TENM2: variants seen among roughly 807,000 people sequenced by gnomAD.
TENM2 encodes the protein teneurin-2.
A neutral mutation model predicts 245.2 loss-of-function variants in TENM2; 52 were observed. That is an observed-to-expected ratio of 0.21 (90% CI 0.17 to 0.27). TENM2 has a LOEUF of 0.27. Ranked by LOEUF, TENM2 falls within the 10% of genes least tolerant of loss-of-function variation. TENM2 has a pLI of 1.00. For missense variants in TENM2, 3,046 were observed against 3,666.8 expected, an observed-to-expected ratio of 0.83 and a Z score of 4.37; for synonymous variants, 1,363 against 1,438.9, an observed-to-expected ratio of 0.95 and a Z score of 1.19.
intron 3 of TENM2, among the ~76,000 whole-genome samples, chr5:167,902,575 T>C (rs1235482878): frequency 1.3e-5 from 2 of 152,124 alleles, no homozygotes; most frequent in Non-Finnish European, 2.9e-5. Flanking sequence ...TGGAGTTACC[T>C]CCTCAGGAGG....
At chr5:167,900,338 G>A (rs1238106329) in intron 3 of TENM2, among the ~76,000 whole-genome samples, 1 of 152,096 alleles carries the variant, frequency 6.6e-6, no homozygotes, top group Non-Finnish European at 1.5e-5. Context: ...AGTTATGTGG[G>A]GGAGGAATTA....
At chr5:168,173,754 C>G (rs1759075799) in intron 13 of TENM2, among the ~76,000 whole-genome samples, 1 of 152,202 alleles carries the variant, frequency 6.6e-6, no homozygotes. Context: ...AAAGCTGTCA[C>G]TGCAGAGCCA....
chr5:168,225,997 C>A, intron 23 of TENM2, 91 bp from the exon 26 acceptor site: 1 of 1,266,836 alleles, frequency 7.9e-7, no homozygotes, highest in Non-Finnish European at 1.1e-6. Flanking sequence ...ACCTTCCCAG[C>A]TCTTTCTCTG....
intron 2 of TENM2, among the ~76,000 whole-genome samples, chr5:167,550,886 G>A (rs369271094): frequency 5.3e-5 from 8 of 152,004 alleles, no homozygotes; most frequent in East Asian, 3.9e-4. Context: ...GAGCTTCCAC[G>A]CTTGGCTAAT....
intron 3 of TENM2, among the ~76,000 whole-genome samples, chr5:167,942,372 A>G (rs1156413188): frequency 6.6e-6 from 1 of 152,236 alleles, no homozygotes. Flanking sequence ...CACCTTTTAC[A>G]GATGAGGATA....
intron 2 of TENM2, among the ~76,000 whole-genome samples, chr5:167,849,495 T>C (rs7729681): frequency 0.65 from 98,175 of 151,942 alleles, 33,712 homozygotes; most frequent in South Asian, 0.78. Context: ...AACCAATCAG[T>C]TCTCCAGTGG....
At chr5:167,086,596 A>C in the TENM2 span, among the ~76,000 whole-genome samples, 1 of 151,930 alleles carries the variant, frequency 6.6e-6, no homozygotes, top group Non-Finnish European at 1.5e-5. Context: ...TATTTTTTTA[A>C]ACGTAATTGG....
chr5:167,662,074 T>C (rs1398425268), intron 2 of TENM2, among the ~76,000 whole-genome samples: 1 of 151,972 alleles, frequency 6.6e-6, no homozygotes, highest in Non-Finnish European at 1.5e-5. Context: ...GGATATAGAG[T>C]GGGGTGGGGT....
chr5:167,487,162 C>A (rs181382361), intron 2 of TENM2, among the ~76,000 whole-genome samples: 1 of 152,232 alleles, frequency 6.6e-6, no homozygotes, highest in African/African-American at 2.4e-5. Context: ...TAGTCCAATT[C>A]TAGTTATCTT....
At chr5:167,242,516 C>A in the TENM2 span, among the ~76,000 whole-genome samples, 12 of 152,252 alleles carry the variant, frequency 7.9e-5, no homozygotes, top group African/African-American at 2.9e-4. Context: ...TCTTCCTCCT[C>A]TGCTGCCCCT....
At chr5:168,057,086 C>T (rs1366948075) in intron 6 of TENM2, among the ~76,000 whole-genome samples, 1 of 151,946 alleles carries the variant, frequency 6.6e-6, no homozygotes, top group Non-Finnish European at 1.5e-5. Flanking sequence ...TATATATGTA[C>T]ATATATATGA....
At chr5:167,458,366 G>C (rs1192537310) in intron 2 of TENM2, among the ~76,000 whole-genome samples, 4 of 144,678 alleles carry the variant, frequency 2.8e-5, no homozygotes. Flanking sequence ...ACGTGCCTGT[G>C]ATCCCAGCTA....
chr5:167,878,963 A>T (rs1284726837), intron 3 of TENM2, among the ~76,000 whole-genome samples: 1 of 152,160 alleles, frequency 6.6e-6, no homozygotes, highest in Non-Finnish European at 1.5e-5. Context: ...TTTCCAACAC[A>T]TCAGCCCATA....
At chr5:167,909,592 A>T (rs985499705) in intron 3 of TENM2, among the ~76,000 whole-genome samples, 1 of 152,180 alleles carries the variant, frequency 6.6e-6, no homozygotes, top group East Asian at 1.9e-4. Flanking sequence ...CAGCCTTAAG[A>T]TCTAATCTTT....
chr5:167,730,470 G>A (rs905273628), intron 2 of TENM2, among the ~76,000 whole-genome samples: 4 of 152,182 alleles, frequency 2.6e-5, no homozygotes, highest in African/African-American at 9.7e-5. Flanking sequence ...GAAAGTAATA[G>A]TTGTAGGTGG....
At chr5:167,946,398 G>A (rs1055065119) in intron 3 of TENM2, among the ~76,000 whole-genome samples, 2 of 152,144 alleles carry the variant, frequency 1.3e-5, no homozygotes, top group Non-Finnish European at 2.9e-5. Flanking sequence ...GGAAGTTTGG[G>A]GAGGGCCTTT....
chr5:167,136,646 T>A, the TENM2 span, among the ~76,000 whole-genome samples: 1 of 152,318 alleles, frequency 6.6e-6, no homozygotes, highest in East Asian at 1.9e-4. Flanking sequence ...GTCACTCAAA[T>A]GAGAAAGAAT....
intron 4 of TENM2, among the ~76,000 whole-genome samples, chr5:167,956,704 G>A (rs948802042): frequency 1.3e-5 from 2 of 152,038 alleles, no homozygotes; most frequent in East Asian, 1.9e-4. Context: ...TTTATTGAAG[G>A]CCTTTTCTGC....
Position 167,774,847 on chromosome 5 carries a change from C to T in TENM2, c.503-101139C>T, listed in dbSNP as rs553686400. 1.2e-4 allele frequency among the ~76,000 whole-genome samples: 18 copies of T among 152,284 alleles called. No individual in the cohort carries two copies. In the South Asian group the frequency reaches 3.7e-3, roughly 32 times the overall value. On this transcript the variant is annotated intron_variant, in intron 2 of 28. Transcript: ENST00000518659. The stretch of plus-strand genomic sequence containing the variant: ...CTCTGAAATAATTCTCAAAACATAT[C>T]CTTAAAACTGTCTATGTCCATGATA...
Sources: allele counts gnomAD v4.1 joint callset (sites outside exome capture counted in the v4.1 genomes callset), GRCh38; gene constraint gnomAD v4.1.1; transcripts MANE v1.5; gene names NCBI Gene and HGNC (gene_info 2026-07-23, HGNC 2026-07-21).